HPCAL1: variants seen among roughly 807,000 people sequenced by gnomAD.
HPCAL1 encodes the protein hippocalcin like 1, also known as hippocalcin-like protein 1.
A neutral mutation model predicts 17.1 loss-of-function variants in HPCAL1; 8 were observed. The ratio of observed to expected loss-of-function variants is 0.47; its 90% CI spans 0.27 to 0.84. The LOEUF (loss-of-function observed/expected upper bound fraction) is 0.84. Among genes scored for constraint, HPCAL1 ranks in the 40% least tolerant of loss-of-function variants. The probability of loss-of-function intolerance (pLI) is 0.13; values close to 1 mark genes in which losing one functional copy is unlikely to be tolerated. For missense variants in HPCAL1, 165 were observed against 271.1 expected (o/e 0.61, Z 2.75); for synonymous variants, 112 against 111.4 (o/e 1.01, Z -0.03).
Position 10,426,770 on chromosome 2 carries a change from C to T in HPCAL1, c.531C>T (p.Pro177=). ...EEFIRGAKSD[P]SIVRLLQCDP... ...TCATCAGAGGTGCCAAGAGCGACCC[C>T]TCCATCGTCCGCCTGCTGCAGTGCG... is the stretch of plus-strand genomic sequence containing the variant. The change falls in exon 5 of 5, where the codon CCC becomes CCT. Residue 177 remains proline, a synonymous_variant. Coordinates refer to ENST00000307845, the MANE Select transcript of HPCAL1 (RefSeq NM_002149.4). 1 of 1,613,444 alleles carries T rather than the reference C, an allele frequency of 6.2e-7. No individual in the cohort carries two copies. The highest frequency in any genetic ancestry group is 8.5e-7 in the Non-Finnish European group (1 of 1,179,990).
At chr2:10,303,312 T>A (rs2125367271) in intron 1 of HPCAL1, 135 bp downstream of exon 1, 1 of 152,672 alleles carries the variant, frequency 6.5e-6, no homozygotes, top group East Asian at 1.9e-4. Flanking sequence ...TGTCCGGGAG[T>A]GCCCGCGTTT....
intron 1 of HPCAL1, among the ~76,000 whole-genome samples, chr2:10,326,846 C>T (rs905174506): frequency 6.6e-6 from 1 of 152,122 alleles, no homozygotes; most frequent in Non-Finnish European, 1.5e-5. Flanking sequence ...CCGAGGCTCC[C>T]GTTTGGCAGC....
chr2:10,369,267 C>T (rs1667065544), intron 1 of HPCAL1: 2 of 152,380 alleles, frequency 1.3e-5, no homozygotes, highest in African/African-American at 4.8e-5. Context: ...CATCTTGCCT[C>T]TTAGAGTTTG....
intron 1 of HPCAL1, among the ~76,000 whole-genome samples, chr2:10,385,565 A>C (rs1399842881): frequency 6.6e-6 from 1 of 152,148 alleles, no homozygotes; most frequent in Non-Finnish European, 1.5e-5. Flanking sequence ...TTGCGGATGC[A>C]GAATGAGAAG....
At chr2:10,404,272 C>T (rs1669833881) in intron 2 of HPCAL1, among the ~76,000 whole-genome samples, 1 of 152,186 alleles carries the variant, frequency 6.6e-6, no homozygotes, top group South Asian at 2.1e-4. Flanking sequence ...TCCTCCCCAG[C>T]TGTGTCCCCG....
At chr2:10,345,169 A>G (rs546721657) in intron 1 of HPCAL1, among the ~76,000 whole-genome samples, 5 of 140,308 alleles carry the variant, frequency 3.6e-5, no homozygotes, top group Non-Finnish European at 7.9e-5. Context: ...CTCTGTTTCA[A>G]TCTCTCTATC....
At chr2:10,312,653 C>T (rs905846222) in intron 1 of HPCAL1, among the ~76,000 whole-genome samples, 7 of 150,956 alleles carry the variant, frequency 4.6e-5, no homozygotes, top group Non-Finnish European at 1.0e-4. Flanking sequence ...CTGTCATCAT[C>T]ACCTTTCTCC....
In HPCAL1 at chr2:10,367,494, G is replaced by T. The variant is rs1187805195; in HGVS notation, c.-110-29341G>T. On this transcript the variant is annotated intron_variant, in intron 1 of 4. Transcript: ENST00000307845. This position sits in a 1 kb window ranked among gnomAD's most constrained non-coding sequence, Gnocchi z 4.4. ...GGATGTTGCCATGTTACCCAGACTG[G>T]TCTTAAACTCCTGGGCTCAACTAAA... Among the ~76,000 whole-genome samples, 1 of 152,006 alleles carries T rather than the reference G, an allele frequency of 6.6e-6. No homozygotes were observed. Among genetic ancestry groups the T allele is most frequent in the Non-Finnish European group, 1.5e-5 (1 of 68,004 alleles).
At position 10,377,608 on chromosome 2, in the gene HPCAL1, C is replaced by T. The variant is rs181131346; in HGVS notation, c.-110-19227C>T. 2.0e-5 allele frequency among the ~76,000 whole-genome samples: 3 copies of T among 152,214 alleles called. No homozygotes were observed. The highest frequency in any genetic ancestry group is 2.1e-4 in the South Asian group (1 of 4,816). ...CCCTGCCAGCTCTCGGCAGCCCCCT[C>T]CTCCCCCTGGCTCCCGTGTCCTGCC... On this transcript the variant is annotated intron_variant, in intron 1 of 4. Transcript: ENST00000307845. The surrounding 1 kb of genome is among the most constrained non-coding windows in gnomAD (Gnocchi z 5.9).
intron 1 of HPCAL1, among the ~76,000 whole-genome samples, chr2:10,312,326 A>G (rs1219155065): frequency 1.5e-4 from 21 of 136,624 alleles, no homozygotes; most frequent in Non-Finnish European, 3.1e-4. Flanking sequence ...TCATCATATC[A>G]TCATCATCAT....
intron 1 of HPCAL1, among the ~76,000 whole-genome samples, chr2:10,333,049 C>T (rs780796883): frequency 2.0e-5 from 3 of 150,894 alleles, no homozygotes; most frequent in South Asian, 2.1e-4. Context: ...GTGTGGGGCA[C>T]AGTGGGCCCT....
Position 10,331,703 on chromosome 2 carries a change from C to G in HPCAL1, c.-111+28526C>G, listed in dbSNP as rs1664393562. On this transcript the variant is annotated intron_variant, in intron 1 of 4. Transcript: ENST00000307845. This position sits in a 1 kb window ranked among gnomAD's most constrained non-coding sequence, Gnocchi z 5.0. The stretch of plus-strand genomic sequence containing the variant: ...AGGCATCTGTCTCTTCCCCCGCATG[C>G]ATCTTTCTCCCCGTCTGGCATGGTG... Among the ~76,000 whole-genome samples the G allele has an allele frequency of 1.3e-5, 2 of 152,178 alleles. No individual in the cohort carries two copies. The highest frequency in any genetic ancestry group is 4.8e-5 in the African/African-American group (2 of 41,436).
intron 1 of HPCAL1, among the ~76,000 whole-genome samples, chr2:10,358,610 T>C (rs6734890): frequency 0.76 from 115,406 of 152,114 alleles, 43,995 homozygotes; most frequent in East Asian, 0.99. Context: ...CGTGGCTGGA[T>C]ATCAAGAGGA....
chr2:10,418,728 G>A (rs1670841678), intron 2 of HPCAL1, among the ~76,000 whole-genome samples: 1 of 152,314 alleles, frequency 6.6e-6, no homozygotes, highest in Admixed American at 6.5e-5. Flanking sequence ...TGGCAGCCGT[G>A]TGAATGCCGG....
intron 1 of HPCAL1, among the ~76,000 whole-genome samples, chr2:10,315,285 T>TTG (rs1663244531): frequency 7.9e-6 from 1 of 125,968 alleles, no homozygotes; most frequent in Non-Finnish European, 1.7e-5. Context: ...AGAGCGAGAC[T>TTG]CCGTCTCAAA....
At chr2:10,421,089 C>T (rs1281087429) in intron 3 of HPCAL1, among the ~76,000 whole-genome samples, 1 of 152,202 alleles carries the variant, frequency 6.6e-6, no homozygotes, top group Non-Finnish European at 1.5e-5. Context: ...CTCCTTGGCA[C>T]TTGCAAGAGG....
intron 1 of HPCAL1, among the ~76,000 whole-genome samples, chr2:10,368,462 C>A (rs934390806): frequency 6.6e-6 from 1 of 152,204 alleles, no homozygotes; most frequent in Non-Finnish European, 1.5e-5. Context: ...TCTCTGTTCC[C>A]CCAGCTCCCA....
chr2:10,412,295 A>C lies in HPCAL1; in HGVS notation c.-24-7439A>C, dbSNP rs150960300. On this transcript the variant is annotated intron_variant, in intron 2 of 4. Transcript: ENST00000307845. ...AACGACTTTCCTCCTGCATACCTGG[A>C]ATGAAACCAGTTACACACCATCCTT... 5.5e-4 allele frequency among the ~76,000 whole-genome samples: 84 copies of C among 152,352 alleles called. No individual in the cohort carries two copies. In the East Asian group the frequency reaches 0.014, roughly 25 times the overall value.
intron 1 of HPCAL1, among the ~76,000 whole-genome samples, chr2:10,349,132 G>A (rs541435077): frequency 6.6e-6 from 1 of 152,288 alleles, no homozygotes; most frequent in African/African-American, 2.4e-5. Flanking sequence ...CGGCAGTGCA[G>A]CGTTTCCAAA....
Sources: gnomAD v4.1 joint callset for allele counts (sites outside exome capture counted in the v4.1 genomes callset) on GRCh38, gnomAD v4.1.1 for gene constraint, Gnocchi (gnomAD v3.1) non-coding constraint, MANE v1.5 for transcripts, NCBI Gene and HGNC (gene_info 2026-07-23, HGNC 2026-07-21) for gene names.